TRIM11: variants seen among roughly 807,000 people sequenced by gnomAD.
TRIM11 encodes the protein tripartite motif containing 11.
Under a neutral mutation model 33.4 loss-of-function variants are expected in TRIM11, and 15 were observed. The ratio of observed to expected loss-of-function variants is 0.45; its 90% CI spans 0.30 to 0.69. The LOEUF (loss-of-function observed/expected upper bound fraction) is 0.69. TRIM11 is among the 30% of genes least tolerant of loss of function. The pLI is 0.08. For synonymous variants in TRIM11, 281 were observed against 302.6 expected (o/e 0.93, Z 0.74); for missense variants, 499 against 667.6 (o/e 0.75, Z 2.78).
rs2074982997 is a variant in TRIM11, at chr1:228,395,942, A to G, written c.860-690T>C. 1 of 152,372 alleles carries G rather than the reference A, an allele frequency of 6.6e-6. No individual in the cohort carries two copies. The highest frequency in any genetic ancestry group is 2.1e-4 in the South Asian group (1 of 4,840). 9.4% of individuals were successfully genotyped at this position (152,372 alleles called of 1,614,324 possible). On this transcript the variant is annotated intron_variant, in intron 5 of 5. Coordinates refer to ENST00000284551, the MANE Select transcript of TRIM11 (RefSeq NM_145214.3). The surrounding 1 kb of genome is among the most constrained non-coding windows in gnomAD (Gnocchi z 4.8). ...GAGGCCTGCACACAGTTCCTACACAACAGGCTCCTGACCTGCTAGCAAGAG... is the reference window on the plus strand; with the variant it reads ...GAGGCCTGCACACAGTTCCTACACAGCAGGCTCCTGACCTGCTAGCAAGAG...
chr1:228,398,163 C>T (rs768192909), intron 3 of TRIM11, among the ~76,000 whole-genome samples: 8 of 152,314 alleles, frequency 5.3e-5, no homozygotes, highest in Middle Eastern at 6.8e-3. Context: ...GTCAAATAGA[C>T]GATCCCACAC....
intron 1 of TRIM11, chr1:228,404,890 T>C (rs1036691840): frequency 1.3e-5 from 2 of 152,270 alleles, no homozygotes; most frequent in African/African-American, 4.8e-5. Flanking sequence ...ACTTAAAATA[T>C]TAATCAAATT....
chr1:228,401,964 C>T lies in TRIM11; in HGVS notation c.504+102G>A, dbSNP rs1017204270. 19 of 914,104 alleles carry T rather than the reference C, an allele frequency of 2.1e-5. No individual in the cohort carries two copies. The highest frequency in any genetic ancestry group is 3.0e-5 in the Non-Finnish European group (19 of 627,758). The allele number at this position is 914,104 out of a possible 1,614,324, so 56.6% of individuals were successfully genotyped here. A position where few individuals can be genotyped will look rare whatever the true frequency, so the allele number is the denominator to read the frequency against. On this transcript the variant is annotated intron_variant, in intron 2 of 5. Coordinates refer to ENST00000284551, the MANE Select transcript of TRIM11 (RefSeq NM_145214.3). The surrounding 1 kb of genome is among the most constrained non-coding windows in gnomAD (Gnocchi z 6.1). ...GAAGCAGTGACTGGTCCTGGGGCGC[C>T]AAGGGCAAGTGTGCCTGGCCAGCAT...
intron 5 of TRIM11, chr1:228,396,300 C>CAT (rs1476044867): frequency 4.0e-6 from 1 of 252,236 alleles, no homozygotes; most frequent in Non-Finnish European, 7.6e-6. Context: ...TTTAATCAAT[C>CAT]ATAACCATGT....
chr1:228,394,804 C>A lies in TRIM11; in HGVS notation c.1308G>T (p.Gly436=). The A allele has an allele frequency of 6.2e-7, 1 of 1,614,128 alleles. No individual in the cohort carries two copies. The highest frequency in any genetic ancestry group is 8.5e-7 in the Non-Finnish European group (1 of 1,180,012). The change falls in exon 6 of 6, where the codon GGG becomes GGT. Residue 436 remains glycine, a synonymous_variant. Coordinates refer to ENST00000284551, the MANE Select transcript of TRIM11 (RefSeq NM_145214.3). This position sits in a 1 kb window ranked among gnomAD's most constrained non-coding sequence, Gnocchi z 6.2. ...GGGGTGAGAAGAGGGGCCGCAGCGT[C>A]CCCGAGAAGGGGATCTCGGGAAAGA... The part of the protein sequence containing the change: ...LFIFPEIPFS[G]TLRPLFSPLS...
rs369874536 is a variant in TRIM11, at chr1:228,399,797, TG to T, written c.735+1166del. On this transcript the variant is annotated intron_variant, in intron 3 of 5. Transcript: ENST00000284551. ...GGAGCAGATGCTGCAGACTTGGAGG[TG>T]GGGGAAACTACCTACTGGGTACAGT... Among the ~76,000 whole-genome samples, 590 of 131,476 alleles carry T rather than the reference TG, an allele frequency of 4.5e-3. 3 individuals carry two copies. Among genetic ancestry groups the T allele is most frequent in the African/African-American group, 0.016 (558 of 34,938 alleles). The allele number at this position is 131,476 out of a possible 152,430, so 86.3% of individuals were successfully genotyped here.
At position 228,406,100 on chromosome 1, in the gene TRIM11, T is replaced by G. The variant is rs906608480; in HGVS notation, c.408+54A>C. On this transcript the variant is annotated intron_variant, in intron 1 of 5. Transcript: ENST00000284551. The surrounding 1 kb of genome is among the most constrained non-coding windows in gnomAD (Gnocchi z 8.2). Reference sequence around the variant, plus strand: ...CCCAAACCTCCCACCCGCCCAGGCCTCCCCAGTCCCCGGCTCCCCGACGCC... The same window carrying G: ...CCCAAACCTCCCACCCGCCCAGGCCGCCCCAGTCCCCGGCTCCCCGACGCC... 21 of 668,896 alleles carry G rather than the reference T, an allele frequency of 3.1e-5. No homozygotes were observed. Among genetic ancestry groups the G allele is most frequent in the Non-Finnish European group, 4.4e-5 (21 of 477,558 alleles). 41.4% of individuals were successfully genotyped at this position (668,896 alleles called of 1,614,324 possible).
In TRIM11 at chr1:228,400,186, A is replaced by T. The variant is rs1656138465; in HGVS notation, c.735+778T>A. On this transcript the variant is annotated intron_variant, in intron 3 of 5. Coordinates refer to ENST00000284551, the MANE Select transcript of TRIM11 (RefSeq NM_145214.3). This position sits in a 1 kb window ranked among gnomAD's most constrained non-coding sequence, Gnocchi z 4.5. Reference sequence around the variant, plus strand: ...GAATCTTGGGGCCCCTTGAGTCTACACCATGCTGGGCATGGAACACGTTCT... The same window carrying T: ...GAATCTTGGGGCCCCTTGAGTCTACTCCATGCTGGGCATGGAACACGTTCT... 6.6e-6 allele frequency among the ~76,000 whole-genome samples: 1 copy of T among 152,202 alleles called. No individual in the cohort carries two copies. Among genetic ancestry groups the T allele is most frequent in the Non-Finnish European group, 1.5e-5 (1 of 68,028 alleles).
chr1:228,396,902 G>GTCCCCTCCTGGAGTCATC, intron 5 of TRIM11, 45 bp downstream of exon 5: 1 of 1,586,828 alleles, frequency 6.3e-7, no homozygotes, highest in East Asian at 2.2e-5. Flanking sequence ...TCCTTGGCAG[G>GTCCCCTCCTGGAGTCATC]TCCCCTCCTG....
chr1:228,401,977 G>T lies in TRIM11; in HGVS notation c.504+89C>A. On this transcript the variant is annotated intron_variant, in intron 2 of 5. Transcript: ENST00000284551. The surrounding 1 kb of genome is among the most constrained non-coding windows in gnomAD (Gnocchi z 6.1). Reference sequence around the variant, plus strand: ...GTCCTGGGGCGCCAAGGGCAAGTGTGCCTGGCCAGCATCGCCCCCTGGGGT... The same window carrying T: ...GTCCTGGGGCGCCAAGGGCAAGTGTTCCTGGCCAGCATCGCCCCCTGGGGT... 1 of 1,066,128 alleles carries T rather than the reference G, an allele frequency of 9.4e-7. No individual in the cohort carries two copies. Among genetic ancestry groups the T allele is most frequent in the East Asian group, 2.7e-5 (1 of 36,364 alleles). The allele number at this position is 1,066,128 out of a possible 1,614,324, so 66.0% of individuals were successfully genotyped here.
In TRIM11 at chr1:228,406,492, T is replaced by G; in HGVS notation, c.70A>C (p.Thr24Pro). ...CCGCAGTCGGTCATCACCGGATCCG[T>G]GAAGTAGTCGAGGCAGATGGCGCAG... ...ATCAICLDYF[T>P]DPVMTDCGHN... Residue 24 changes from threonine to proline, a missense_variant, in exon 1 of 6, where the codon ACG becomes CCG. Physicochemically the swap from Thr to Pro is conservative, Grantham distance 38. Coordinates refer to ENST00000284551, the MANE Select transcript of TRIM11 (RefSeq NM_145214.3). The surrounding 1 kb of genome is among the most constrained non-coding windows in gnomAD (Gnocchi z 8.2). The G allele has an allele frequency of 6.3e-7, 1 of 1,587,968 alleles. No individual in the cohort carries two copies.
rs1364490350 is a variant in TRIM11 at position 228,395,641 on chromosome 1, C to CCT, written c.860-391_860-390dup. 5.8e-6 allele frequency: 1 copy of CCT among 171,156 alleles called. No homozygotes were observed. The highest frequency in any genetic ancestry group is 1.2e-5 in the Non-Finnish European group (1 of 81,312). 10.6% of individuals were successfully genotyped at this position (171,156 alleles called of 1,614,324 possible). A position where few individuals can be genotyped will look rare whatever the true frequency, so the allele number is the denominator to read the frequency against. ...CTCAAATGATCCTCCCGCCTCAGAT[C>CCT]CTCCCAAGCTGCTGGGATTACAGGC... On this transcript the variant is annotated intron_variant, in intron 5 of 5. Coordinates refer to ENST00000284551, the MANE Select transcript of TRIM11 (RefSeq NM_145214.3). The surrounding 1 kb of genome is among the most constrained non-coding windows in gnomAD (Gnocchi z 4.8).
At position 228,400,913 on chromosome 1, in the gene TRIM11, T is replaced by C; in HGVS notation, c.735+51A>G. On this transcript the variant is annotated intron_variant, in intron 3 of 5. Coordinates refer to ENST00000284551, the MANE Select transcript of TRIM11 (RefSeq NM_145214.3). This position sits in a 1 kb window ranked among gnomAD's most constrained non-coding sequence, Gnocchi z 4.5. Reference sequence around the variant, plus strand: ...CTTTCTGGTTCTCCCTCCCCCAGTGTGGCCAGGCCATGCCCGTGTGGCCAC... The same window carrying C: ...CTTTCTGGTTCTCCCTCCCCCAGTGCGGCCAGGCCATGCCCGTGTGGCCAC... 2 of 1,460,564 alleles carry C rather than the reference T, an allele frequency of 1.4e-6. No individual in the cohort carries two copies. The highest frequency in any genetic ancestry group is 2.5e-5 in the Admixed American group (1 of 39,428). 90.5% of individuals were successfully genotyped at this position (1,460,564 alleles called of 1,614,324 possible). A position where few individuals can be genotyped will look rare whatever the true frequency, so the allele number is the denominator to read the frequency against.
Position 228,394,554 on chromosome 1 carries a change from G to C in TRIM11, c.*151C>G. The C allele has an allele frequency of 1.2e-6, 1 of 852,420 alleles. No individual in the cohort carries two copies. The highest frequency in any genetic ancestry group is 1.8e-6 in the Non-Finnish European group (1 of 570,618). The allele number at this position is 852,420 out of a possible 1,614,324, so 52.8% of individuals were successfully genotyped here. A position where few individuals can be genotyped will look rare whatever the true frequency, so the allele number is the denominator to read the frequency against. Reference sequence around the variant, plus strand: ...ACAGTTTCCTGGAGTGCTAGAATTGGGGTTCTCCCACGCAGGCTCAGAAAG... The same window carrying C: ...ACAGTTTCCTGGAGTGCTAGAATTGCGGTTCTCCCACGCAGGCTCAGAAAG... On this transcript the variant is annotated 3_prime_UTR_variant, in exon 6 of 6. Coordinates refer to ENST00000284551, the MANE Select transcript of TRIM11 (RefSeq NM_145214.3). The surrounding 1 kb of genome is among the most constrained non-coding windows in gnomAD (Gnocchi z 6.2).
Position 228,400,176 on chromosome 1 carries a change from T to C in TRIM11, c.735+788A>G, listed in dbSNP as rs1394877673. Among the ~76,000 whole-genome samples the C allele has an allele frequency of 6.6e-6, 1 of 151,626 alleles. No homozygotes were observed. Among genetic ancestry groups the C allele is most frequent in the Non-Finnish European group, 1.5e-5 (1 of 67,858 alleles). On this transcript the variant is annotated intron_variant, in intron 3 of 5. Transcript: ENST00000284551. The surrounding 1 kb of genome is among the most constrained non-coding windows in gnomAD (Gnocchi z 4.5). ...ATTTCCCTCTGAATCTTGGGGCCCC[T>C]TGAGTCTACACCATGCTGGGCATGG...
intron 1 of TRIM11, chr1:228,404,261 G>T (rs1656327285): frequency 6.6e-6 from 1 of 152,406 alleles, no homozygotes; most frequent in Non-Finnish European, 1.5e-5. Context: ...CTCTCCCATG[G>T]TGCTGCTTCC....
intron 1 of TRIM11, chr1:228,405,130 G>C (rs925380513): frequency 2.6e-5 from 4 of 152,282 alleles, no homozygotes; most frequent in African/African-American, 9.6e-5. Flanking sequence ...ACATGTTTCA[G>C]GTGTAGACAT....
intron 3 of TRIM11, among the ~76,000 whole-genome samples, chr1:228,398,776 C>A (rs2075006937): frequency 6.6e-6 from 1 of 151,954 alleles, no homozygotes; most frequent in Non-Finnish European, 1.5e-5. Flanking sequence ...CAGCTGGGAG[C>A]AGCTCCACCT....
chr1:228,402,684 G>A (rs1404867945), intron 1 of TRIM11: 2 of 152,672 alleles, frequency 1.3e-5, no homozygotes, highest in African/African-American at 2.4e-5. Context: ...GGAGGCGGGG[G>A]CTTTGGGAGG....
Sources: gnomAD v4.1 joint callset for allele counts (sites outside exome capture counted in the v4.1 genomes callset) on GRCh38, gnomAD v4.1.1 for gene constraint, Gnocchi (gnomAD v3.1) non-coding constraint, MANE v1.5 for transcripts, NCBI Gene and HGNC (gene_info 2026-07-23, HGNC 2026-07-21) for gene names.